The following GFOD1 variants were observed in gnomAD, a reference collection of about 807,000 sequenced individuals.
GFOD1 encodes the protein glucose-fructose oxidoreductase domain-containing protein 1.
Under a neutral mutation model 25.4 loss-of-function variants are expected in GFOD1, and 9 were observed. The observed-to-expected ratio is 0.35, with a 90% CI of 0.21 to 0.62. The LOEUF is 0.62. Ranked by LOEUF, GFOD1 falls within the 20% of genes least tolerant of loss-of-function variation. The pLI is 0.72. For synonymous variants in GFOD1, 253 were observed against 245.6 expected (o/e 1.03, Z -0.28); for missense variants, 403 against 556.9 (o/e 0.72, Z 2.78).
chr6:13,464,355 C>A (rs76697239), intron 1 of GFOD1, among the ~76,000 whole-genome samples: 1 of 152,214 alleles, frequency 6.6e-6, no homozygotes, highest in Non-Finnish European at 1.5e-5. Context: ...ATCCATGCTA[C>A]GGGTTGTGAA....
At chr6:13,384,574 A>G (rs1785428595) in intron 1 of GFOD1, among the ~76,000 whole-genome samples, 1 of 152,216 alleles carries the variant, frequency 6.6e-6, no homozygotes, top group Non-Finnish European at 1.5e-5. Flanking sequence ...CACTTGCTGT[A>G]GAGACTTTTT....
In GFOD1 at chr6:13,360,534, A is replaced by G. The variant is rs1332771623; in HGVS notation, c.*4209T>C. ...CCAAGAGCAAATTCCAAGGCCATCT[A>G]TAATAGTCAGCCAACAAGATTTTGA... On this transcript the variant is annotated 3_prime_UTR_variant, in exon 2 of 2. Transcript: ENST00000379287. The G allele has an allele frequency of 1.4e-5, 5 of 369,242 alleles. No homozygotes were observed. The highest frequency in any genetic ancestry group is 2.7e-5 in the Non-Finnish European group (5 of 183,928). The allele number at this position is 369,242 out of a possible 1,614,324, so 22.9% of individuals were successfully genotyped here. A position where few individuals can be genotyped will look rare whatever the true frequency, so the allele number is the denominator to read the frequency against.
chr6:13,408,242 T>G (rs901479047), intron 1 of GFOD1: 2 of 267,026 alleles, frequency 7.5e-6, no homozygotes, highest in African/African-American at 4.6e-5. Flanking sequence ...TTTCCTTTCC[T>G]TCTTAGAGCA....
intron 1 of GFOD1, among the ~76,000 whole-genome samples, chr6:13,450,495 C>A (rs1371280698): frequency 6.6e-6 from 1 of 152,128 alleles, no homozygotes; most frequent in Non-Finnish European, 1.5e-5. Flanking sequence ...TGAAGCACAA[C>A]CAGCAAAGAG....
chr6:13,358,083 A>G lies in GFOD1; in HGVS notation c.*6660T>C, dbSNP rs1276993148. The G allele has an allele frequency of 6.6e-6, 1 of 152,204 alleles. No homozygotes were observed. The highest frequency in any genetic ancestry group is 1.5e-5 in the Non-Finnish European group (1 of 68,036). The allele number at this position is 152,204 out of a possible 1,614,324, so 9.4% of individuals were successfully genotyped here. On this transcript the variant is annotated 3_prime_UTR_variant, in exon 2 of 2. Coordinates refer to ENST00000379287, the MANE Select transcript of GFOD1 (RefSeq NM_018988.4). ...CCAGCTTCCACAGTAGTTTGGCCTT[A>G]AAAACACTAAGAACAGTTGCATTCA...
chr6:13,435,909 T>C (rs1230122951), intron 1 of GFOD1, among the ~76,000 whole-genome samples: 1 of 152,210 alleles, frequency 6.6e-6, no homozygotes, highest in African/African-American at 2.4e-5. Context: ...TTAGCACACA[T>C]TCATGTTTAC....
intron 1 of GFOD1, among the ~76,000 whole-genome samples, chr6:13,479,062 C>CAA (rs11342958): frequency 1.8e-4 from 23 of 127,482 alleles, no homozygotes; most frequent in Middle Eastern, 3.9e-3. Flanking sequence ...ATCCCTTTAC[C>CAA]AAAAAAAAAA....
intron 1 of GFOD1, among the ~76,000 whole-genome samples, chr6:13,390,301 A>G (rs1429726253): frequency 6.6e-6 from 1 of 152,140 alleles, no homozygotes. Context: ...TTGTTTATAT[A>G]AAACAGGGGC....
intron 1 of GFOD1, among the ~76,000 whole-genome samples, chr6:13,452,411 T>A (rs1457204367): frequency 6.6e-6 from 1 of 152,170 alleles, no homozygotes; most frequent in African/African-American, 2.4e-5. Flanking sequence ...TCCTGGCTGT[T>A]ATAACAAAAC....
At chr6:13,397,558 G>A (rs1255706966) in intron 1 of GFOD1, among the ~76,000 whole-genome samples, 4 of 152,200 alleles carry the variant, frequency 2.6e-5, no homozygotes, top group Non-Finnish European at 4.4e-5. Context: ...CCCAGGGGCC[G>A]GCCCACTGGG....
chr6:13,440,119 C>T (rs1286090623), intron 1 of GFOD1, among the ~76,000 whole-genome samples: 1 of 152,124 alleles, frequency 6.6e-6, no homozygotes, highest in East Asian at 1.9e-4. Flanking sequence ...TTGATCAATC[C>T]TAGCATTCCA....
chr6:13,382,423 G>A (rs1785385958), intron 1 of GFOD1, among the ~76,000 whole-genome samples: 2 of 151,918 alleles, frequency 1.3e-5, no homozygotes, highest in South Asian at 4.1e-4. Flanking sequence ...TTTATAAAGA[G>A]AAGTTCCCCT....
chr6:13,444,905 A>AT (rs1757979697), intron 1 of GFOD1, among the ~76,000 whole-genome samples: 1 of 152,330 alleles, frequency 6.6e-6, no homozygotes, highest in African/African-American at 2.4e-5. Context: ...GATATATACC[A>AT]TTTTTATATG....
chr6:13,422,656 A>T (rs1013297061), intron 1 of GFOD1, among the ~76,000 whole-genome samples: 1 of 152,228 alleles, frequency 6.6e-6, no homozygotes, highest in African/African-American at 2.4e-5. Context: ...GGAATGAAAA[A>T]AGAAACCCGT....
At chr6:13,406,748 T>A (rs1439920235) in intron 1 of GFOD1, among the ~76,000 whole-genome samples, 1 of 152,210 alleles carries the variant, frequency 6.6e-6, no homozygotes, top group East Asian at 1.9e-4. Context: ...ATTGGGCCTT[T>A]AAAGTGTCTG....
chr6:13,484,794 C>T (rs1215668339), intron 1 of GFOD1, among the ~76,000 whole-genome samples: 2 of 152,226 alleles, frequency 1.3e-5, no homozygotes, highest in Non-Finnish European at 2.9e-5. Flanking sequence ...AATTGCCACC[C>T]TCCTGCTCTA....
intron 1 of GFOD1, among the ~76,000 whole-genome samples, chr6:13,450,435 C>T (rs1758075329): frequency 6.6e-6 from 1 of 152,182 alleles, no homozygotes; most frequent in Non-Finnish European, 1.5e-5. Flanking sequence ...GGTAGCAGGA[C>T]TCAGCATACA....
rs1784993433 is a variant in GFOD1, at chr6:13,364,143, T to C, written c.*600A>G. 6.6e-6 allele frequency: 1 copy of C among 152,652 alleles called. No individual in the cohort carries two copies. Among genetic ancestry groups the C allele is most frequent in the Admixed American group, 6.5e-5 (1 of 15,352 alleles). 9.5% of individuals were successfully genotyped at this position (152,652 alleles called of 1,614,324 possible). A position where few individuals can be genotyped will look rare whatever the true frequency, so the allele number is the denominator to read the frequency against. ...CAGTGCTTCCTATGAGGAAGCCCAA[T>C]CAATCAAAAGGTGGCCACTTTGCTA... On this transcript the variant is annotated 3_prime_UTR_variant, in exon 2 of 2. Transcript: ENST00000379287. This position sits in a 1 kb window ranked among gnomAD's most constrained non-coding sequence, Gnocchi z 4.1.
chr6:13,391,845 C>T (rs1785620575), intron 1 of GFOD1, among the ~76,000 whole-genome samples: 1 of 152,224 alleles, frequency 6.6e-6, no homozygotes, highest in Non-Finnish European at 1.5e-5. Context: ...GTCTGGGACA[C>T]AGTCCATGTT....
Sources: gnomAD v4.1 joint callset for allele counts (sites outside exome capture counted in the v4.1 genomes callset) on GRCh38, gnomAD v4.1.1 for gene constraint, Gnocchi (gnomAD v3.1) non-coding constraint, MANE v1.5 for transcripts, NCBI Gene and HGNC (gene_info 2026-07-23, HGNC 2026-07-21) for gene names.